ARMH3: variants seen among roughly 807,000 people sequenced by gnomAD.
ARMH3 encodes armadillo-like helical domain-containing protein 3.
In ARMH3, 60 loss-of-function variants were observed where a neutral mutation model predicts 99.1. The observed-to-expected ratio is 0.61, with a 90% CI of 0.49 to 0.75. The LOEUF (loss-of-function observed/expected upper bound fraction) is 0.75. ARMH3 is among the 30% of genes least tolerant of loss of function. The pLI, the probability that ARMH3 is intolerant of heterozygous loss-of-function variation, is 0.00. For synonymous variants in ARMH3, 285 were observed against 292.8 expected (o/e 0.97, Z 0.27); for missense variants, 679 against 843.1 (o/e 0.81, Z 2.41).
At chr10:101,964,077 C>G (rs1845430557) in intron 20 of ARMH3, among the ~76,000 whole-genome samples, 2 of 151,998 alleles carry the variant, frequency 1.3e-5, no homozygotes, top group Admixed American at 1.3e-4. Context: ...GGGGTTTCAC[C>G]GTGTTAGCCA....
chr10:102,043,531 C>T (rs2067471197), intron 1 of ARMH3, among the ~76,000 whole-genome samples: 1 of 152,120 alleles, frequency 6.6e-6, no homozygotes, highest in South Asian at 2.1e-4. Flanking sequence ...CAAAGCAAAT[C>T]ATGAGAAATA....
chr10:102,033,206 T>C (rs776395159), intron 3 of ARMH3, 34 bp from the exon 4 acceptor site: 2 of 1,613,934 alleles, frequency 1.2e-6, no homozygotes, highest in Non-Finnish European at 1.7e-6. Context: ...CAGAGTGCAT[T>C]TTTAGCTTAG....
intron 22 of ARMH3, among the ~76,000 whole-genome samples, chr10:101,955,742 G>A (rs1845001479): frequency 6.6e-6 from 1 of 152,180 alleles, no homozygotes; most frequent in African/African-American, 2.4e-5. Flanking sequence ...GAGGCACAGT[G>A]GGTGAAGGTG....
intron 20 of ARMH3, among the ~76,000 whole-genome samples, chr10:101,958,728 A>G (rs1408182789): frequency 1.3e-5 from 2 of 152,098 alleles, no homozygotes; most frequent in Non-Finnish European, 2.9e-5. Context: ...CTTTGCCAGC[A>G]AAGAAGTTCA....
Position 102,033,305 on chromosome 10 carries a change from C to G in ARMH3, c.137G>C (p.Trp46Ser). 1 of 1,614,148 alleles carries G rather than the reference C, an allele frequency of 6.2e-7. No individual in the cohort carries two copies. The highest frequency in any genetic ancestry group is 8.5e-7 in the Non-Finnish European group (1 of 1,180,022). Reference sequence around the variant, plus strand: ...TACCTTCATGAGAAAGAGCTCCTCCCAAAACCGAGGACTGCACTTACTGGG... The same window carrying G: ...TACCTTCATGAGAAAGAGCTCCTCCGAAAACCGAGGACTGCACTTACTGGG... Reference protein sequence around the residue: ...EDPSKCSPRFWEELFLMKVNL... With the variant: ...EDPSKCSPRFSEELFLMKVNL... The change falls in exon 3 of 26, where the codon TGG becomes TCG. Residue 46 changes from tryptophan (W) to serine (S), a missense_variant. Trp to Ser is a radical substitution (Grantham distance 177, BLOSUM62 -3). Around this residue, in one of 3 missense-constraint regions of ARMH3, gnomAD observed 280 missense variants for 354.6 expected, o/e 0.79. Coordinates refer to ENST00000370033, the MANE Select transcript of ARMH3 (RefSeq NM_024541.3).
chr10:101,940,627 G>A (rs899457690), intron 22 of ARMH3, among the ~76,000 whole-genome samples: 6 of 152,016 alleles, frequency 3.9e-5, no homozygotes, highest in African/African-American at 1.5e-4. Flanking sequence ...ACAGGTCCCG[G>A]TGTGTGATGT....
intron 24 of ARMH3, among the ~76,000 whole-genome samples, chr10:101,860,553 C>A (rs1313101116): frequency 2.6e-5 from 4 of 152,058 alleles, no homozygotes. Context: ...GGGAGACAGG[C>A]CGAGAAGGAG....
At chr10:101,968,376 A>G (rs1475482138) in intron 20 of ARMH3, among the ~76,000 whole-genome samples, 1 of 152,220 alleles carries the variant, frequency 6.6e-6, no homozygotes, top group Non-Finnish European at 1.5e-5. Context: ...CACAGAACCA[A>G]TAACTTTACT....
chr10:102,011,209 T>C (rs183348062), intron 11 of ARMH3, among the ~76,000 whole-genome samples: 1 of 152,100 alleles, frequency 6.6e-6, no homozygotes, highest in Admixed American at 6.6e-5. Flanking sequence ...CCCTAAGCTA[T>C]TAGAAGAGTG....
intron 15 of ARMH3, among the ~76,000 whole-genome samples, chr10:101,996,127 C>T (rs1222174875): frequency 6.6e-6 from 1 of 152,204 alleles, no homozygotes; most frequent in African/African-American, 2.4e-5. Flanking sequence ...AGTACGAGAA[C>T]CCATCAAGCT....
intron 19 of ARMH3, among the ~76,000 whole-genome samples, chr10:101,977,177 C>A (rs1317025402): frequency 6.6e-6 from 1 of 152,150 alleles, no homozygotes; most frequent in Non-Finnish European, 1.5e-5. Flanking sequence ...TACTGGACAG[C>A]ATTCTGCTAG....
intron 24 of ARMH3, among the ~76,000 whole-genome samples, chr10:101,861,037 A>G (rs1372119876): frequency 6.6e-6 from 1 of 152,230 alleles, no homozygotes; most frequent in Non-Finnish European, 1.5e-5. Context: ...AACAGCAGTC[A>G]ATAGAAATAG....
chr10:101,919,781 T>G (rs1223275261), intron 23 of ARMH3, among the ~76,000 whole-genome samples: 1 of 152,242 alleles, frequency 6.6e-6, no homozygotes, highest in Non-Finnish European at 1.5e-5. Context: ...GCATTTCTTC[T>G]AGATTTTAAC....
intron 24 of ARMH3, among the ~76,000 whole-genome samples, chr10:101,877,520 C>T (rs1342154980): frequency 3.9e-5 from 6 of 151,974 alleles, no homozygotes; most frequent in Admixed American, 1.3e-4. Flanking sequence ...ATTAGCCAGG[C>T]GTGATGGCGT....
intron 23 of ARMH3, among the ~76,000 whole-genome samples, chr10:101,929,194 T>C (rs1304423279): frequency 6.6e-6 from 1 of 152,236 alleles, no homozygotes; most frequent in East Asian, 1.9e-4. Flanking sequence ...ATTATATTAT[T>C]CCTGTTACTT....
chr10:101,910,246 A>T (rs2135542477), intron 23 of ARMH3, among the ~76,000 whole-genome samples: 1 of 152,384 alleles, frequency 6.6e-6, no homozygotes, highest in East Asian at 1.9e-4. Context: ...CCGGAGATTT[A>T]CAACCAAGGG....
chr10:101,922,604 A>G (rs1357867189), intron 23 of ARMH3, among the ~76,000 whole-genome samples: 1 of 152,132 alleles, frequency 6.6e-6, no homozygotes, highest in African/African-American at 2.4e-5. Context: ...TTCTATGTCA[A>G]GTTTTATTAT....
intron 19 of ARMH3, among the ~76,000 whole-genome samples, chr10:101,983,617 T>C (rs1423191605): frequency 1.3e-5 from 2 of 152,090 alleles, no homozygotes; most frequent in Admixed American, 1.3e-4. Flanking sequence ...AGTACAGGGT[T>C]TGGAGAGCTT....
At chr10:102,042,323 G>A (rs953772323) in intron 1 of ARMH3, among the ~76,000 whole-genome samples, 6 of 152,182 alleles carry the variant, frequency 3.9e-5, no homozygotes, top group African/African-American at 1.4e-4. Flanking sequence ...TCTTAGACGT[G>A]ATAAGTACAT....
Sources: allele counts gnomAD v4.1 joint callset (sites outside exome capture counted in the v4.1 genomes callset), GRCh38; gene constraint gnomAD v4.1.1; regional missense constraint gnomAD v4.1.1; transcripts MANE v1.5; gene names NCBI Gene and HGNC (gene_info 2026-07-23, HGNC 2026-07-21).